TCOF1: variants seen among roughly 807,000 people sequenced by gnomAD.
TCOF1 encodes the protein treacle ribosome biogenesis factor 1.
TCOF1 carries 33 observed loss-of-function variants against 149.0 expected under a neutral mutation model. That is an observed-to-expected ratio of 0.22 (90% CI 0.17 to 0.30). The LOEUF (loss-of-function observed/expected upper bound fraction) is 0.30, where lower values mean the gene tolerates loss of function less well. Among genes scored for constraint, TCOF1 ranks in the 10% least tolerant of loss-of-function variants. The pLI is 1.00. For synonymous variants in TCOF1, 789 were observed against 738.8 expected (o/e 1.07, Z -1.10); for missense variants, 1,728 against 1,840.7 (o/e 0.94, Z 1.12).
Position 150,369,552 on chromosome 5 carries a change from G to T in TCOF1, c.589G>T (p.Asp197Tyr), listed in dbSNP as rs200401482. 1.2e-6 allele frequency: 2 copies of T among 1,613,990 alleles called. No individual in the cohort carries two copies. Among genetic ancestry groups the T allele is most frequent in the South Asian group, 1.1e-5 (1 of 91,078 alleles). Residue 197 changes from aspartate to tyrosine, a missense_variant, in exon 6 of 27, where the codon GAC becomes TAC. Transcript: ENST00000643257. ...KPGMVSAGQA[D>Y]SSSEDTSSSS... ...AGGGATGGTGTCAGCGGGCCAGGCC[G>T]ACAGCTCCAGCGAGGACACCTCCAG...
At chr5:150,360,226 A>G (rs75198853) in intron 1 of TCOF1, among the ~76,000 whole-genome samples, 1,610 of 152,328 alleles carry the variant, frequency 0.011, 41 homozygotes, top group African/African-American at 0.036. Context: ...TGACGAGATT[A>G]GTTCAGTCCA....
intron 24 of TCOF1, among the ~76,000 whole-genome samples, chr5:150,397,202 CAG>C (rs1412766012): frequency 6.8e-6 from 1 of 147,046 alleles, no homozygotes; most frequent in Non-Finnish European, 1.5e-5. Flanking sequence ...TCCAGAGTCA[CAG>C]GGGCAGCTTG....
At chr5:150,377,089 G>T (rs1056722044) in intron 14 of TCOF1, among the ~76,000 whole-genome samples, 1 of 152,248 alleles carries the variant, frequency 6.6e-6, no homozygotes, top group Admixed American at 6.5e-5. Context: ...AGTTGGCCAG[G>T]TGAAATGGGC....
In TCOF1 at chr5:150,375,730, T is replaced by C. The variant is rs111705180; in HGVS notation, c.1714T>C (p.Leu572=). The C allele has an allele frequency of 3.4e-4, 549 of 1,614,242 alleles. 3 individuals are homozygous for C. In the Middle Eastern group the frequency reaches 3.8e-3, roughly 11 times the overall value. ...TAVAPAQEKS[L]GNILQAKPTS... is the part of the protein sequence containing the mutation. ...GTGTATCTCACTCCAGGAAAAGTCC[T>C]TGGGGAACATCCTCCAGGCCAAACC... The change falls in exon 12 of 27, where the codon TTG becomes CTG. Residue 572 remains leucine, a synonymous_variant. Transcript: ENST00000643257.
chr5:150,376,733 G>A, intron 14 of TCOF1, 113 bp downstream of exon 14: 1 of 1,114,172 alleles, frequency 9.0e-7, no homozygotes, highest in Non-Finnish European at 1.3e-6. Flanking sequence ...AGCCTCAGAG[G>A]TAGCCTCAAC....
At position 150,379,629 on chromosome 5, in the gene TCOF1, C is replaced by T. The variant is rs1204109139; in HGVS notation, c.2756C>T (p.Thr919Ile). The change falls in exon 17 of 27, where the codon ACA becomes ATA. Residue 919 changes from threonine to isoleucine, a missense_variant. Thr to Ile is a moderately conservative substitution (Grantham distance 89). This residue lies in a region of TCOF1 where 1,696 missense variants were observed against 1,765.4 expected (regional missense o/e 0.96). Transcript: ENST00000643257. The stretch of plus-strand genomic sequence containing the variant: ...GCTGCCCCAACACCTCCTGGGAAGA[C>T]AGGGCCTTCGGCTGCCCAGGCAGGG... ...KGAAPTPPGKTGPSAAQAGKQ... is the reference protein window; with the variant it reads ...KGAAPTPPGKIGPSAAQAGKQ... 4 of 1,614,072 alleles carry T rather than the reference C, an allele frequency of 2.5e-6. No individual in the cohort carries two copies. Among genetic ancestry groups the T allele is most frequent in the Non-Finnish European group, 3.4e-6 (4 of 1,180,052 alleles).
chr5:150,375,373 C>T lies in TCOF1; in HGVS notation c.1523C>T (p.Pro508Leu), dbSNP rs769845491. ...KPLGKSPQVKPASTMGMGPLG... is the reference protein window; with the variant it reads ...KPLGKSPQVKLASTMGMGPLG... ...TTGGGGAAAAGCCCCCAGGTGAAAC[C>T]TGCCTCTACCATGGGCATGGGGCCC... is the stretch of plus-strand genomic sequence containing the variant. Residue 508 changes from proline to leucine, a missense_variant, in exon 11 of 27, where the codon CCT becomes CTT. By Grantham distance (98) the Pro-to-Leu change is moderately conservative (BLOSUM62 -3). Around this residue, in one of 2 missense-constraint regions of TCOF1, gnomAD observed 1,696 missense variants for 1,765.4 expected, o/e 0.96. Coordinates refer to ENST00000643257, the MANE Select transcript of TCOF1 (RefSeq NM_001371623.1). 6.2e-6 allele frequency: 10 copies of T among 1,612,198 alleles called. No individual in the cohort carries two copies. The highest frequency in any genetic ancestry group is 8.5e-6 in the Non-Finnish European group (10 of 1,179,744).
chr5:150,386,946 A>C lies in TCOF1; in HGVS notation c.2860-956A>C, dbSNP rs1007947513. Among the ~76,000 whole-genome samples, 6 of 152,218 alleles carry C rather than the reference A, an allele frequency of 3.9e-5. No homozygotes were observed. In the South Asian group the frequency reaches 6.2e-4, roughly 16 times the overall value. On this transcript the variant is annotated intron_variant, in intron 17 of 26. Coordinates refer to ENST00000643257, the MANE Select transcript of TCOF1 (RefSeq NM_001371623.1). ...TTTATTGTTTCCTTGGAAAATTTAA[A>C]GCATACCCAAAGATAGATAATGTAA...
intron 7 of TCOF1, among the ~76,000 whole-genome samples, chr5:150,373,853 C>G (rs1763088999): frequency 1.3e-5 from 2 of 152,206 alleles, no homozygotes; most frequent in African/African-American, 2.4e-5. Context: ...AGGACAGGCT[C>G]TAACTACCCA....
chr5:150,382,165 A>C (rs940187777), intron 17 of TCOF1, among the ~76,000 whole-genome samples: 6 of 124,714 alleles, frequency 4.8e-5, no homozygotes, highest in Non-Finnish European at 7.0e-5. Flanking sequence ...ACTCCATCTC[A>C]AAAAAAAAAG....
intron 12 of TCOF1, 57 bp downstream of exon 12, chr5:150,375,966 A>T: frequency 1.9e-6 from 3 of 1,613,480 alleles, no homozygotes; most frequent in Non-Finnish European, 2.5e-6. Flanking sequence ...CACAGTCAGC[A>T]CCCCCGGGGA....
rs758984856 is a variant in TCOF1 at position 150,396,494 on chromosome 5, G to A, written c.3997G>A (p.Asp1333Asn). 6.2e-7 allele frequency: 1 copy of A among 1,613,492 alleles called. No individual in the cohort carries two copies. Among genetic ancestry groups the A allele is most frequent in the East Asian group, 2.2e-5 (1 of 44,822 alleles). Residue 1333 changes from aspartate to asparagine, a missense_variant, in exon 24 of 27, where the codon GAC becomes AAC. By Grantham distance (23) the Asp-to-Asn change is conservative. Transcript: ENST00000643257. ...GGAACAGGAAAGAAAGAAGGTGGTG[G>A]ACACCACCAAGGAGAGCAGCAGGAA... ...LLEQERKKVV[D>N]TTKESSRKGW...
intron 17 of TCOF1, chr5:150,384,195 T>C (rs1765807627): frequency 1.1e-5 from 11 of 1,007,950 alleles, no homozygotes; most frequent in Non-Finnish European, 1.2e-5. Context: ...AATAGGGTGC[T>C]CACTGCCTCT....
intron 23 of TCOF1, among the ~76,000 whole-genome samples, chr5:150,395,761 G>A (rs1768363556): frequency 6.6e-6 from 1 of 152,062 alleles, no homozygotes; most frequent in South Asian, 2.1e-4. Context: ...TGTCTGCATG[G>A]CCCCCACTTT....
chr5:150,374,550 A>G, intron 8 of TCOF1, 67 bp from the exon 9 acceptor site: 1 of 1,607,082 alleles, frequency 6.2e-7, no homozygotes, highest in Non-Finnish European at 8.5e-7. Context: ...GGTCTTCTGT[A>G]CGTGGTGTCC....
rs114169102 is a variant in TCOF1 at position 150,396,550 on chromosome 5, G to A, written c.4053G>A (p.Ser1351=). Reference sequence around the variant, plus strand: ...GGGAGAGCCGCAAGCGGAAGCTATCGGGAGACCAGCCAGCTGCCAGGACCC... The same window carrying A: ...GGGAGAGCCGCAAGCGGAAGCTATCAGGAGACCAGCCAGCTGCCAGGACCC... ...KGWESRKRKL[S]GDQPAARTPR... Residue 1351 remains serine, a synonymous_variant, in exon 24 of 27, where the codon TCG becomes TCA. Coordinates refer to ENST00000643257, the MANE Select transcript of TCOF1 (RefSeq NM_001371623.1). 2.1e-3 allele frequency: 3,412 copies of A among 1,592,290 alleles called. 53 individuals carry two copies. The African/African-American group carries it at 0.039, about 18-fold the overall frequency.
chr5:150,374,980 G>A lies in TCOF1; in HGVS notation c.1305G>A (p.Gln435=), dbSNP rs756256169. ...AQAKPSGKAP[Q]VRAASAPAKE... is the part of the protein sequence containing the mutation. The stretch of plus-strand genomic sequence containing the variant: ...CGAAGCCTTCAGGGAAGGCCCCCCA[G>A]GTCAGAGCCGCCTCGGCCCCTGCCA... Residue 435 remains glutamine, a synonymous_variant, in exon 10 of 27, where the codon CAG becomes CAA. Transcript: ENST00000643257. 6.2e-7 allele frequency: 1 copy of A among 1,613,114 alleles called. No homozygotes were observed. Among genetic ancestry groups the A allele is most frequent in the Non-Finnish European group, 8.5e-7 (1 of 1,179,824 alleles).
rs1449512798 is a variant in TCOF1, at chr5:150,375,355, A to G, written c.1505A>G (p.Lys502Arg). The change falls in exon 11 of 27, where the codon AAA becomes AGA. Residue 502 changes from lysine to arginine, a missense_variant. Lys to Arg is a conservative substitution (Grantham distance 26). This residue lies in a region of TCOF1 where 1,696 missense variants were observed against 1,765.4 expected (regional missense o/e 0.96). Transcript: ENST00000643257. Reference protein sequence around the residue: ...MNAAQVKPLGKSPQVKPASTM... With the variant: ...MNAAQVKPLGRSPQVKPASTM... ...GTCTCCCAGGTGAAGCCCTTGGGGA[A>G]AAGCCCCCAGGTGAAACCTGCCTCT... The G allele has an allele frequency of 6.2e-7, 1 of 1,611,530 alleles. No homozygotes were observed. Among genetic ancestry groups the G allele is most frequent in the Non-Finnish European group, 8.5e-7 (1 of 1,179,416 alleles).
At chr5:150,379,070 T>C (rs1230044700) in intron 15 of TCOF1, 28 bp downstream of exon 15, 3 of 1,612,290 alleles carry the variant, frequency 1.9e-6, no homozygotes, top group Non-Finnish European at 2.5e-6. Context: ...CCACAGGAGG[T>C]GTGGAGGGTT....
Sources: gnomAD v4.1 joint callset for allele counts (sites outside exome capture counted in the v4.1 genomes callset) on GRCh38, gnomAD v4.1.1 for gene constraint, gnomAD v4.1.1 regional missense constraint, MANE v1.5 for transcripts, NCBI Gene and HGNC (gene_info 2026-07-23, HGNC 2026-07-21) for gene names.